PALM2AKAP2: variants seen among roughly 807,000 people sequenced by gnomAD.
PALM2AKAP2 encodes the protein PALM2-AKAP2 fusion protein.
In PALM2AKAP2, 37 loss-of-function variants were observed where a neutral mutation model predicts 71.5. The observed-to-expected ratio is 0.52, with a 90% CI of 0.40 to 0.68. The LOEUF (loss-of-function observed/expected upper bound fraction) is 0.68, where lower values mean the gene tolerates loss of function less well. PALM2AKAP2 is among the 30% of genes least tolerant of loss of function. The probability of loss-of-function intolerance (pLI) is 0.00; values close to 1 mark genes in which losing one functional copy is unlikely to be tolerated. For missense variants in PALM2AKAP2, 1,224 were observed against 1,191.8 expected, an observed-to-expected ratio of 1.03 and a Z score of -0.40; for synonymous variants, 468 against 478.8, an observed-to-expected ratio of 0.98 and a Z score of 0.29.
At chr9:109,865,412 C>G (rs1829423958) in intron 1 of PALM2AKAP2, among the ~76,000 whole-genome samples, 1 of 151,974 alleles carries the variant, frequency 6.6e-6, no homozygotes. Flanking sequence ...TAAATCCTAC[C>G]CATTCTTAAA....
At chr9:110,024,338 C>T (rs1330535516) in intron 7 of PALM2AKAP2, among the ~76,000 whole-genome samples, 2 of 152,112 alleles carry the variant, frequency 1.3e-5, no homozygotes. Context: ...TTTGCCTGTT[C>T]TGGACATTTC....
At chr9:109,794,991 T>C (rs1270578472) in intron 1 of PALM2AKAP2, among the ~76,000 whole-genome samples, 1 of 152,204 alleles carries the variant, frequency 6.6e-6, no homozygotes, top group East Asian at 1.9e-4. Context: ...GATCCTGAAA[T>C]TCTCTAGATG....
chr9:110,146,195 G>T (rs1227692853), intron 2 of PALM2AKAP2, among the ~76,000 whole-genome samples: 2 of 152,026 alleles, frequency 1.3e-5, no homozygotes, highest in Admixed American at 6.6e-5. Flanking sequence ...GTGAGCCACC[G>T]CGTGCAGCCC....
At chr9:109,865,223 C>T (rs1262714725) in intron 1 of PALM2AKAP2, among the ~76,000 whole-genome samples, 1 of 150,332 alleles carries the variant, frequency 6.7e-6, no homozygotes, top group African/African-American at 2.5e-5. Flanking sequence ...CTTAGCCTCC[C>T]AAGTATCTGG....
intron 3 of PALM2AKAP2, among the ~76,000 whole-genome samples, chr9:109,923,162 T>C (rs375528058): frequency 2.6e-5 from 4 of 152,142 alleles, no homozygotes; most frequent in African/African-American, 9.7e-5. Context: ...GCTGTGAAAA[T>C]TGAGGAAAGT....
intron 1 of PALM2AKAP2, among the ~76,000 whole-genome samples, chr9:110,049,192 C>T (rs895740937): frequency 1.1e-4 from 16 of 152,140 alleles, no homozygotes; most frequent in African/African-American, 2.9e-4. Flanking sequence ...GGCTGTGTGT[C>T]CTTTTCAGGA....
chr9:109,659,300 G>A (rs977934822), intron 1 of PALM2AKAP2, among the ~76,000 whole-genome samples: 3 of 152,134 alleles, frequency 2.0e-5, no homozygotes, highest in Non-Finnish European at 4.4e-5. Context: ...TATCCACAAA[G>A]TTGCCCATAA....
chr9:110,084,238 C>T (rs1408614232), intron 1 of PALM2AKAP2, among the ~76,000 whole-genome samples: 2 of 152,150 alleles, frequency 1.3e-5, no homozygotes, highest in African/African-American at 4.8e-5. Context: ...GAAAGGAAAA[C>T]TGACCATCAT....
exon 2 of PALM2AKAP2, chr9:110,137,491 C>T (rs1835913883): frequency 1.2e-6 from 2 of 1,614,120 alleles, no homozygotes; most frequent in Non-Finnish European, 1.7e-6. Flanking sequence ...AAGGGCCCTA[C>T]AGCGAGCCTT....
chr9:110,060,424 G>A (rs2118473032), intron 1 of PALM2AKAP2, among the ~76,000 whole-genome samples: 1 of 152,186 alleles, frequency 6.6e-6, no homozygotes, highest in South Asian at 2.1e-4. Context: ...TGGGGTCCTT[G>A]GATAGTTTTT....
intron 1 of PALM2AKAP2, among the ~76,000 whole-genome samples, chr9:109,814,618 C>T (rs115969224): frequency 6.6e-4 from 100 of 152,236 alleles, no homozygotes; most frequent in African/African-American, 2.1e-3. Context: ...TGGGCTAGTA[C>T]GGAGGATTTA....
chr9:110,022,616 T>A (rs1367397922), intron 7 of PALM2AKAP2, among the ~76,000 whole-genome samples: 2 of 152,022 alleles, frequency 1.3e-5, no homozygotes, highest in Admixed American at 6.5e-5. Flanking sequence ...TTAGGGTACA[T>A]GTGCACAATG....
intron 6 of PALM2AKAP2, among the ~76,000 whole-genome samples, chr9:109,977,938 G>A (rs1382543582): frequency 7.9e-5 from 12 of 152,156 alleles, no homozygotes; most frequent in Non-Finnish European, 4.4e-5. Context: ...TCCATCCCTG[G>A]ACCAGGACCT....
intron 1 of PALM2AKAP2, among the ~76,000 whole-genome samples, chr9:110,089,392 G>A (rs1834654233): frequency 6.6e-6 from 1 of 152,140 alleles, no homozygotes; most frequent in Non-Finnish European, 1.5e-5. Flanking sequence ...AAGGAATATG[G>A]CATGGCTACA....
chr9:110,064,610 G>A (rs1588086740), intron 1 of PALM2AKAP2, among the ~76,000 whole-genome samples: 1 of 152,214 alleles, frequency 6.6e-6, no homozygotes, highest in Admixed American at 6.5e-5. Flanking sequence ...AGGATATGGG[G>A]TTGAACTGCT....
chr9:110,150,915 G>A (rs1222369869), intron 2 of PALM2AKAP2, among the ~76,000 whole-genome samples: 2 of 152,162 alleles, frequency 1.3e-5, no homozygotes, highest in African/African-American at 4.8e-5. Flanking sequence ...CTCTAAGTTT[G>A]AGAGTCTAAA....
chr9:110,166,357 T>C (rs1246301266), intron 3 of PALM2AKAP2, among the ~76,000 whole-genome samples: 2 of 152,184 alleles, frequency 1.3e-5, no homozygotes, highest in African/African-American at 4.8e-5. Context: ...AGAAAGCCTG[T>C]GAAGTGGGGT....
intron 1 of PALM2AKAP2, among the ~76,000 whole-genome samples, chr9:109,754,284 T>C (rs796316793): frequency 2.6e-5 from 4 of 152,316 alleles, no homozygotes; most frequent in African/African-American, 9.6e-5. Flanking sequence ...GTAGAACTTA[T>C]ATTAAGTCCA....
chr9:109,691,867 T>TATACAC lies in PALM2AKAP2; in HGVS notation c.5+51002_5+51003insTACACA, dbSNP rs1320319516. 9.7e-5 allele frequency among the ~76,000 whole-genome samples: 5 copies of TATACAC among 51,480 alleles called. 1 individual carries two copies. The South Asian group carries it at 2.7e-3, about 28-fold the overall frequency. 33.8% of individuals were successfully genotyped at this position (51,480 alleles called of 152,430 possible). A position where few individuals can be genotyped will look rare whatever the true frequency, so the allele number is the denominator to read the frequency against. On this transcript the variant is annotated intron_variant, in intron 1 of 6. Coordinates refer to the PALM2AKAP2 transcript ENST00000374531. ...ATATATATATATATATATATATATATACACACACACACACATATATATATA... is the reference window on the plus strand; with the variant it reads ...ATATATATATATATATATATATATATATACACACACACACACACACATATATATATA...
Sources: gnomAD v4.1 joint callset for allele counts (sites outside exome capture counted in the v4.1 genomes callset) on GRCh38, gnomAD v4.1.1 for gene constraint, MANE v1.5 for transcripts, NCBI Gene and HGNC (gene_info 2026-07-23, HGNC 2026-07-21) for gene names.